The following CATSPERT variants were observed in gnomAD, a reference collection of about 807,000 sequenced individuals.
CATSPERT encodes catsper channel auxiliary subunit tau.
the CATSPERT span, chr2:201,493,087 G>A: frequency 6.5e-7 from 1 of 1,531,548 alleles, no homozygotes. Flanking sequence ...TCTTCTTTCA[G>A]AATGATTATA....
At chr2:201,586,345 G>A in the CATSPERT span, among the ~76,000 whole-genome samples, 5 of 151,668 alleles carry the variant, frequency 3.3e-5, no homozygotes, top group Admixed American at 6.6e-5. Flanking sequence ...ATGAAGAAAA[G>A]AAGACAAAAG....
the CATSPERT span, chr2:201,492,493 T>C: frequency 6.5e-7 from 1 of 1,535,652 alleles, no homozygotes; most frequent in Non-Finnish European, 8.7e-7. Flanking sequence ...AAAACTCCCC[T>C]TTGAAATATC....
At chr2:201,601,618 T>C in the CATSPERT span, 1 of 924,296 alleles carries the variant, frequency 1.1e-6, no homozygotes, top group Non-Finnish European at 1.6e-6. Context: ...AGATACCAAA[T>C]AAAAAGGCAC....
chr2:201,487,567 C>A, the CATSPERT span: 1 of 1,534,354 alleles, frequency 6.5e-7, no homozygotes. Flanking sequence ...ACATATCATT[C>A]TGAGTTAAAC....
the CATSPERT span, chr2:201,496,017 TATCAAG>T: frequency 8.2e-7 from 1 of 1,219,992 alleles, no homozygotes; most frequent in South Asian, 1.3e-5. Context: ...AATATAAGAA[TATCAAG>T]ATCATTTTAT....
At chr2:201,575,034 CAAA>C in the CATSPERT span, among the ~76,000 whole-genome samples, 5 of 97,910 alleles carry the variant, frequency 5.1e-5, no homozygotes, top group African/African-American at 1.9e-4. Flanking sequence ...CACCATTTAG[CAAA>C]AAAAAAAAAA....
the CATSPERT span, among the ~76,000 whole-genome samples, chr2:201,552,368 A>C: frequency 6.6e-6 from 1 of 152,202 alleles, no homozygotes; most frequent in African/African-American, 2.4e-5. Flanking sequence ...AAGTGCTCCT[A>C]AGAAACAGAG....
the CATSPERT span, chr2:201,603,204 T>C: frequency 6.2e-7 from 1 of 1,602,596 alleles, no homozygotes; most frequent in Non-Finnish European, 8.5e-7. Flanking sequence ...CTATGATTCT[T>C]AAATCAAAAG....
the CATSPERT span, among the ~76,000 whole-genome samples, chr2:201,565,079 A>G: frequency 6.7e-6 from 1 of 149,154 alleles, no homozygotes; most frequent in Non-Finnish European, 1.5e-5. Flanking sequence ...ACTGAAGCAT[A>G]GCAAAAAAAA....
the CATSPERT span, among the ~76,000 whole-genome samples, chr2:201,498,162 C>T: frequency 1.3e-5 from 2 of 152,070 alleles, no homozygotes; most frequent in African/African-American, 4.8e-5. Flanking sequence ...ATAGCGCACA[C>T]GATTACACAG....
At chr2:201,611,120 C>T in the CATSPERT span, among the ~76,000 whole-genome samples, 2 of 151,426 alleles carry the variant, frequency 1.3e-5, no homozygotes, top group Non-Finnish European at 2.9e-5. Flanking sequence ...AGTAATCAGG[C>T]GAGAGAAAAA....
chr2:201,550,870 A>G, the CATSPERT span: 2 of 152,170 alleles, frequency 1.3e-5, no homozygotes, highest in African/African-American at 4.8e-5. Context: ...TTCCACCACA[A>G]AACAAAAGCA....
At chr2:201,551,350 T>C in the CATSPERT span, among the ~76,000 whole-genome samples, 1 of 152,216 alleles carries the variant, frequency 6.6e-6, no homozygotes, top group Non-Finnish European at 1.5e-5. Context: ...AGTACTACTA[T>C]TTTAAAGTAC....
chr2:201,493,795 A>G, the CATSPERT span: 9 of 1,536,386 alleles, frequency 5.9e-6, no homozygotes, highest in African/African-American at 1.4e-5. Flanking sequence ...GGAGTTAGGT[A>G]CTTCGCTTAT....
the CATSPERT span, chr2:201,601,750 A>G: frequency 6.2e-7 from 1 of 1,611,332 alleles, no homozygotes; most frequent in Non-Finnish European, 8.5e-7. Flanking sequence ...TGTACAGAAA[A>G]ATACTTCACT....
the CATSPERT span, among the ~76,000 whole-genome samples, chr2:201,616,877 A>T: frequency 6.6e-6 from 1 of 152,234 alleles, no homozygotes; most frequent in African/African-American, 2.4e-5. Flanking sequence ...ATACAAAATC[A>T]ATGTGCAAAA....
the CATSPERT span, among the ~76,000 whole-genome samples, chr2:201,533,434 CCT>C: frequency 2.0e-5 from 3 of 152,142 alleles, no homozygotes; most frequent in Non-Finnish European, 4.4e-5. Context: ...CTGATATATG[CCT>C]CATGTTTTCC....
At chr2:201,574,860 A>G in the CATSPERT span, among the ~76,000 whole-genome samples, 1 of 152,170 alleles carries the variant, frequency 6.6e-6, no homozygotes, top group Non-Finnish European at 1.5e-5. Context: ...TTAAGCACTT[A>G]AAAAGAAATT....
chr2:201,534,525 T>G, the CATSPERT span: 1 of 982,458 alleles, frequency 1.0e-6, no homozygotes, highest in Non-Finnish European at 1.2e-6. Context: ...TTATAAAACC[T>G]AAACAAAATC....
Sources: gnomAD v4.1 joint callset for allele counts (sites outside exome capture counted in the v4.1 genomes callset) on GRCh38, gnomAD v4.1.1 for gene constraint, MANE v1.5 for transcripts, NCBI Gene and HGNC (gene_info 2026-07-23, HGNC 2026-07-21) for gene names.